Variants in NDUFAF7 observed in about 807,000 individuals in gnomAD.
NDUFAF7 encodes the protein protein arginine methyltransferase NDUFAF7, mitochondrial.
Under a neutral mutation model 47.2 loss-of-function variants are expected in NDUFAF7, and 48 were observed. The observed-to-expected ratio is 1.02, with a 90% CI of 0.81 to 1.29. The LOEUF is 1.29. NDUFAF7 is among the 50% of genes most tolerant of loss of function. The pLI is 0.00. For synonymous variants in NDUFAF7, 217 were observed against 190.0 expected (o/e 1.14, Z -1.17); for missense variants, 635 against 537.6 (o/e 1.18, Z -1.79).
rs1667066634 is a variant in NDUFAF7 at position 37,247,597 on chromosome 2, T to G, written c.1078T>G (p.Leu360Val). 1.2e-6 allele frequency: 2 copies of G among 1,613,910 alleles called. No homozygotes were observed. Among genetic ancestry groups the G allele is most frequent in the Non-Finnish European group, 8.5e-7 (1 of 1,179,954 alleles). Residue 360 changes from leucine to valine, a missense_variant, in exon 9 of 10, where the codon TTA becomes GTA. By Grantham distance (32) the Leu-to-Val change is conservative. Coordinates refer to ENST00000002125, the MANE Select transcript of NDUFAF7 (RefSeq NM_144736.5). ...GGGCCCAATAAAACAACACACATTT[T>G]TAAAAAATATGGGTATTGATGTCCG... ...SLGPIKQHTF[L>V]KNMGIDVRLK...
At chr2:37,258,854 C>G in the NDUFAF7 span, among the ~76,000 whole-genome samples, 1 of 152,132 alleles carries the variant, frequency 6.6e-6, no homozygotes, top group Non-Finnish European at 1.5e-5. Context: ...TCTAAATGTA[C>G]ATGTTTCAAA....
downstream of NDUFAF7, among the ~76,000 whole-genome samples, chr2:37,255,164 A>G (rs1001109658): frequency 1.3e-5 from 2 of 152,250 alleles, no homozygotes; most frequent in East Asian, 3.8e-4. Context: ...ACACTGGTTA[A>G]CATCAAAAAA....
chr2:37,260,456 T>C, the NDUFAF7 span: 18 of 1,357,338 alleles, frequency 1.3e-5, no homozygotes, highest in East Asian at 2.3e-5. Flanking sequence ...AGATGTGCTA[T>C]GATTGTCTGA....
At chr2:37,244,048 T>C in intron 7 of NDUFAF7, 75 bp downstream of exon 7, 8 of 1,211,458 alleles carry the variant, frequency 6.6e-6, no homozygotes, top group Non-Finnish European at 9.5e-6. Flanking sequence ...GTTACTACTT[T>C]AGAGTTTTAG....
Position 37,232,192 on chromosome 2 carries a change from A to C in NDUFAF7, c.142A>C (p.Met48Leu). ...NPVTPMLRHL[M>L]YKIKSTGPIT... ...GGTGACGCCGATGCTGCGGCATCTT[A>C]TGTACAAAATAAAGTCTACTGGTCC... is the stretch of plus-strand genomic sequence containing the variant. Residue 48 changes from methionine to leucine, a missense_variant, in exon 2 of 10, where the codon ATG becomes CTG. Transcript: ENST00000002125. The C allele has an allele frequency of 6.2e-7, 1 of 1,614,132 alleles. No individual in the cohort carries two copies. The highest frequency in any genetic ancestry group is 8.5e-7 in the Non-Finnish European group (1 of 1,180,030).
downstream of NDUFAF7, among the ~76,000 whole-genome samples, chr2:37,255,678 T>G (rs1405701031): frequency 6.6e-6 from 1 of 152,276 alleles, no homozygotes; most frequent in African/African-American, 2.4e-5. Flanking sequence ...TTCTGAAGAT[T>G]AGAAAAGTCA....
chr2:37,261,749 T>C, the NDUFAF7 span, among the ~76,000 whole-genome samples: 6 of 152,186 alleles, frequency 3.9e-5, no homozygotes, highest in African/African-American at 9.7e-5. Flanking sequence ...CATTGCACTC[T>C]AGCCTGGGCA....
In NDUFAF7 at chr2:37,232,193, T is replaced by A; in HGVS notation, c.143T>A (p.Met48Lys). 1 of 1,614,162 alleles carries A rather than the reference T, an allele frequency of 6.2e-7. No homozygotes were observed. The highest frequency in any genetic ancestry group is 8.5e-7 in the Non-Finnish European group (1 of 1,180,038). The change falls in exon 2 of 10, where the codon ATG becomes AAG. Residue 48 changes from methionine to lysine, a missense_variant. By Grantham distance (95) the Met-to-Lys change is moderately conservative. Coordinates refer to ENST00000002125, the MANE Select transcript of NDUFAF7 (RefSeq NM_144736.5). ...NPVTPMLRHL[M>K]YKIKSTGPIT... Reference sequence around the variant, plus strand: ...GTGACGCCGATGCTGCGGCATCTTATGTACAAAATAAAGTCTACTGGTCCC... The same window carrying A: ...GTGACGCCGATGCTGCGGCATCTTAAGTACAAAATAAAGTCTACTGGTCCC...
At chr2:37,246,255 G>A in intron 8 of NDUFAF7, 60 bp downstream of exon 8, 1 of 1,578,628 alleles carries the variant, frequency 6.3e-7, no homozygotes, top group Non-Finnish European at 8.7e-7. Flanking sequence ...GAAGCCCATT[G>A]AAGAGCTTTG....
chr2:37,253,377 G>A (rs1667666746), downstream of NDUFAF7: 1 of 1,551,712 alleles, frequency 6.4e-7, no homozygotes, highest in Non-Finnish European at 8.8e-7. Flanking sequence ...TTGTAATGAT[G>A]AAACAAAAGA....
downstream of NDUFAF7, among the ~76,000 whole-genome samples, chr2:37,250,004 A>C (rs1050695640): frequency 2.0e-5 from 3 of 150,816 alleles, no homozygotes; most frequent in Admixed American, 6.6e-5. Context: ...CAAATATGTA[A>C]GCTTTCTTAA....
At chr2:37,256,687 A>G, downstream of NDUFAF7, 1 of 961,446 alleles carries the variant, frequency 1.0e-6, no homozygotes, top group South Asian at 1.5e-5. Context: ...CTCTCCATGG[A>G]TTTGGTGGGT....
At chr2:37,250,894 C>T (rs1667433323), downstream of NDUFAF7, 1 of 152,636 alleles carries the variant, frequency 6.6e-6, no homozygotes, top group Admixed American at 6.5e-5. Flanking sequence ...GCAGGTTATA[C>T]AGTATCTGGA....
At chr2:37,264,821 T>C in the NDUFAF7 span, among the ~76,000 whole-genome samples, 2 of 152,188 alleles carry the variant, frequency 1.3e-5, no homozygotes, top group Non-Finnish European at 2.9e-5. Flanking sequence ...TTCACTTTCA[T>C]AAAGAATAAT....
the NDUFAF7 span, among the ~76,000 whole-genome samples, chr2:37,259,199 A>G: frequency 6.6e-6 from 1 of 152,198 alleles, no homozygotes; most frequent in Non-Finnish European, 1.5e-5. Flanking sequence ...CTACATAGAA[A>G]AAGGAGGTGG....
At chr2:37,262,514 C>G in the NDUFAF7 span, among the ~76,000 whole-genome samples, 11 of 152,138 alleles carry the variant, frequency 7.2e-5, no homozygotes, top group African/African-American at 2.7e-4. Flanking sequence ...CAGCAAAATA[C>G]AAAATGACAA....
At chr2:37,232,834 G>T (rs1358342829) in intron 2 of NDUFAF7, among the ~76,000 whole-genome samples, 3 of 152,156 alleles carry the variant, frequency 2.0e-5, no homozygotes. Context: ...TCTGACCCAC[G>T]TTTCCTTGTC....
downstream of NDUFAF7, chr2:37,253,440 T>A: frequency 9.2e-7 from 1 of 1,088,408 alleles, no homozygotes; most frequent in Non-Finnish European, 1.3e-6. Context: ...TGTTGTTGTT[T>A]AGTGCCCTAG....
downstream of NDUFAF7, among the ~76,000 whole-genome samples, chr2:37,255,858 T>C (rs538383209): frequency 3.8e-4 from 58 of 151,942 alleles, no homozygotes; most frequent in African/African-American, 1.2e-3. Flanking sequence ...ATTTAAAAAT[T>C]AGCCAGGTGT....
Sources: allele counts gnomAD v4.1 joint callset (sites outside exome capture counted in the v4.1 genomes callset), GRCh38; gene constraint gnomAD v4.1.1; transcripts MANE v1.5; gene names NCBI Gene and HGNC (gene_info 2026-07-23, HGNC 2026-07-21).